Variants in TMEM108 observed in about 807,000 individuals in gnomAD.
The protein encoded by TMEM108 is transmembrane protein 108.
A neutral mutation model predicts 35.1 loss-of-function variants in TMEM108; 12 were observed. The ratio of observed to expected loss-of-function variants is 0.34; its 90% CI spans 0.22 to 0.55. The LOEUF (loss-of-function observed/expected upper bound fraction) is 0.55. Among genes scored for constraint, TMEM108 ranks in the 20% least tolerant of loss-of-function variants. The probability of loss-of-function intolerance (pLI) is 0.89; values close to 1 mark genes in which losing one functional copy is unlikely to be tolerated. For missense variants in TMEM108, 680 were observed against 753.3 expected (o/e 0.90, Z 1.14); for synonymous variants, 287 against 308.6 (o/e 0.93, Z 0.73).
chr3:133,169,071 G>A (rs1438048627), intron 2 of TMEM108, among the ~76,000 whole-genome samples: 2 of 152,226 alleles, frequency 1.3e-5, no homozygotes, highest in Non-Finnish European at 2.9e-5. Flanking sequence ...GTGAGGGTCT[G>A]TGGCTTCATT....
intron 2 of TMEM108, among the ~76,000 whole-genome samples, chr3:133,079,648 A>G (rs1943785723): frequency 6.6e-6 from 1 of 152,176 alleles, no homozygotes; most frequent in Non-Finnish European, 1.5e-5. Flanking sequence ...AGGTACCATC[A>G]CATTAGGATT....
intron 1 of TMEM108, among the ~76,000 whole-genome samples, chr3:133,043,064 T>A (rs374511992): frequency 1.3e-5 from 2 of 152,226 alleles, no homozygotes; most frequent in African/African-American, 4.8e-5. Flanking sequence ...CTTTAGGCTT[T>A]AAAAACTTTT....
chr3:133,236,929 A>G (rs988005353), intron 3 of TMEM108, among the ~76,000 whole-genome samples: 4 of 152,132 alleles, frequency 2.6e-5, no homozygotes, highest in African/African-American at 7.2e-5. Flanking sequence ...AAGCAATTTG[A>G]CTAAACTAAG....
intron 3 of TMEM108, among the ~76,000 whole-genome samples, chr3:133,374,140 T>C (rs956301762): frequency 6.6e-6 from 1 of 152,146 alleles, no homozygotes; most frequent in African/African-American, 2.4e-5. Context: ...TCAGAAGGGA[T>C]GTAGGGTGTC....
chr3:133,044,975 CT>C (rs1437116958), intron 1 of TMEM108, among the ~76,000 whole-genome samples: 27 of 117,756 alleles, frequency 2.3e-4, no homozygotes, highest in Admixed American at 5.2e-4. Flanking sequence ...TTTTTTTTTT[CT>C]TTTTTTTTTG....
chr3:133,044,961 CT>C (rs11444221), intron 1 of TMEM108, among the ~76,000 whole-genome samples: 1,570 of 142,800 alleles, frequency 0.011, 34 homozygotes, highest in African/African-American at 0.038. Context: ...TGAAGTGCTG[CT>C]TTTTTTTTTT....
intron 3 of TMEM108, among the ~76,000 whole-genome samples, chr3:133,332,082 G>GCACACACACACACA (rs66877804): frequency 6.6e-6 from 1 of 150,916 alleles, no homozygotes. Flanking sequence ...GTGCGCACGT[G>GCACACACACACACA]CACACACACA....
At chr3:133,140,306 A>G (rs192408781) in intron 2 of TMEM108, among the ~76,000 whole-genome samples, 8 of 152,256 alleles carry the variant, frequency 5.3e-5, no homozygotes, top group South Asian at 4.1e-4. Context: ...AGTCTCTTCT[A>G]TTATCTCCTA....
chr3:133,123,292 A>G (rs957944314), intron 2 of TMEM108, among the ~76,000 whole-genome samples: 3 of 152,360 alleles, frequency 2.0e-5, no homozygotes, highest in Non-Finnish European at 4.4e-5. Flanking sequence ...CAATACTGCA[A>G]TAAATATTTT....
chr3:133,381,685 C>G (rs1371679284), intron 4 of TMEM108, among the ~76,000 whole-genome samples: 2 of 152,218 alleles, frequency 1.3e-5, no homozygotes, highest in African/African-American at 4.8e-5. Flanking sequence ...CTTCCATCCT[C>G]TTTCTTGTGT....
intron 2 of TMEM108, among the ~76,000 whole-genome samples, chr3:133,094,765 C>T (rs991076043): frequency 1.3e-5 from 2 of 152,316 alleles, no homozygotes; most frequent in South Asian, 4.1e-4. Context: ...CCACATAGAT[C>T]CCCTCATCTA....
At position 133,221,660 on chromosome 3, in the gene TMEM108, C is replaced by CTTTT. The variant is rs3078806; in HGVS notation, c.-46-7586_-46-7583dup. Reference sequence around the variant, plus strand: ...TGGCATACATTGATTACATTGATTCCTTTTTTTTTTTTTTTTTTTTTTTCA... The same window carrying CTTTT: ...TGGCATACATTGATTACATTGATTCCTTTTTTTTTTTTTTTTTTTTTTTTTTTCA... On this transcript the variant is annotated intron_variant, in intron 2 of 5. Transcript: ENST00000321871. Among the ~76,000 whole-genome samples, 9 of 60,360 alleles carry CTTTT rather than the reference C, an allele frequency of 1.5e-4. 1 individual carries two copies. Among genetic ancestry groups the CTTTT allele is most frequent in the Admixed American group, 4.9e-4 (2 of 4,048 alleles). The allele number at this position is 60,360 out of a possible 152,430, so 39.6% of individuals were successfully genotyped here.
chr3:133,379,507 G>T, intron 3 of TMEM108, among the ~76,000 whole-genome samples: 1 of 152,094 alleles, frequency 6.6e-6, no homozygotes, highest in East Asian at 1.9e-4. Flanking sequence ...GCCTGGCCAG[G>T]GTAGCTGCTC....
intron 2 of TMEM108, among the ~76,000 whole-genome samples, chr3:133,178,423 A>G (rs1347965190): frequency 6.6e-6 from 1 of 152,092 alleles, no homozygotes; most frequent in Non-Finnish European, 1.5e-5. Flanking sequence ...ACAAGGCTAC[A>G]GTAACCAAAA....
intron 3 of TMEM108, among the ~76,000 whole-genome samples, chr3:133,267,152 G>T (rs962855958): frequency 2.0e-5 from 3 of 151,400 alleles, no homozygotes; most frequent in Admixed American, 6.6e-5. Flanking sequence ...TAGTGCAATT[G>T]ACTCGTTCAT....
At chr3:133,100,829 A>G (rs940941143) in intron 2 of TMEM108, among the ~76,000 whole-genome samples, 4 of 152,240 alleles carry the variant, frequency 2.6e-5, no homozygotes, top group Non-Finnish European at 4.4e-5. Flanking sequence ...TAAAGAAAAT[A>G]ACCTGTAACC....
chr3:133,053,444 G>T (rs993208481), intron 2 of TMEM108, among the ~76,000 whole-genome samples: 1 of 152,162 alleles, frequency 6.6e-6, no homozygotes, highest in Non-Finnish European at 1.5e-5. Flanking sequence ...ACTATTGAGA[G>T]GTCTGAGAAT....
At chr3:133,108,005 G>A (rs1944177510) in intron 2 of TMEM108, among the ~76,000 whole-genome samples, 1 of 152,152 alleles carries the variant, frequency 6.6e-6, no homozygotes, top group East Asian at 1.9e-4. Flanking sequence ...GCCAAGATGG[G>A]TGGATCACTT....
intron 2 of TMEM108, among the ~76,000 whole-genome samples, chr3:133,140,774 G>C (rs1944630091): frequency 6.7e-6 from 1 of 150,268 alleles, no homozygotes; most frequent in African/African-American, 2.4e-5. Flanking sequence ...CCAGAAGACA[G>C]AAAATTAAAA....
Sources: allele counts gnomAD v4.1 joint callset (sites outside exome capture counted in the v4.1 genomes callset), GRCh38; gene constraint gnomAD v4.1.1; transcripts MANE v1.5; gene names NCBI Gene and HGNC (gene_info 2026-07-23, HGNC 2026-07-21).